DNAH6: variants seen among roughly 807,000 people sequenced by gnomAD.
DNAH6 encodes the protein axonemal beta dynein heavy chain 6.
In DNAH6, 340 loss-of-function variants were observed where a neutral mutation model predicts 491.4. That is an observed-to-expected ratio of 0.69 (90% CI 0.63 to 0.76). The LOEUF is 0.76. DNAH6 is among the 30% of genes least tolerant of loss of function. The pLI is 0.00. For missense variants in DNAH6, 4,443 were observed against 4,972.2 expected, an observed-to-expected ratio of 0.89 and a Z score of 3.20; for synonymous variants, 1,603 against 1,686.1, an observed-to-expected ratio of 0.95 and a Z score of 1.21.
chr2:84,787,348 G>A, intron 68 of DNAH6, 46 bp downstream of exon 68: 1 of 1,513,562 alleles, frequency 6.6e-7, no homozygotes, highest in Non-Finnish European at 8.9e-7. Flanking sequence ...GTACCACAAA[G>A]TTGTTGGTTT....
intron 33 of DNAH6, among the ~76,000 whole-genome samples, chr2:84,645,988 G>T (rs1222939714): frequency 1.3e-5 from 2 of 152,096 alleles, no homozygotes; most frequent in Non-Finnish European, 2.9e-5. Flanking sequence ...TCATTTTACT[G>T]CACTTCGCAG....
In DNAH6 at chr2:84,679,829, A is replaced by G. The variant is rs149659467; in HGVS notation, c.6745-1528A>G. 3.6e-3 allele frequency among the ~76,000 whole-genome samples: 549 copies of G among 152,338 alleles called. 3 individuals carry two copies. The highest frequency in any genetic ancestry group is 0.012 in the African/African-American group (508 of 41,570). On this transcript the variant is annotated intron_variant, in intron 41 of 76. Transcript: ENST00000389394. Reference sequence around the variant, plus strand: ...TCCCTGTCCTCATGGATCTTCTTCCATGGACACAGATAATGAAGAGATGAA... The same window carrying G: ...TCCCTGTCCTCATGGATCTTCTTCCGTGGACACAGATAATGAAGAGATGAA...
intron 32 of DNAH6, among the ~76,000 whole-genome samples, chr2:84,640,972 G>C (rs1233419104): frequency 6.6e-6 from 1 of 152,196 alleles, no homozygotes; most frequent in African/African-American, 2.4e-5. Context: ...CTTGTTGCCT[G>C]AGAAAGCCTC....
chr2:84,490,649 C>T, the DNAH6 span, among the ~76,000 whole-genome samples: 1 of 152,182 alleles, frequency 6.6e-6, no homozygotes, highest in Non-Finnish European at 1.5e-5. Context: ...GCAACCTCCA[C>T]CTCCCGGGTT....
intron 63 of DNAH6, among the ~76,000 whole-genome samples, chr2:84,749,889 T>C (rs1251513480): frequency 6.6e-6 from 1 of 152,228 alleles, no homozygotes; most frequent in East Asian, 1.9e-4. Context: ...GTTTTGTTTG[T>C]TTGCTTTTCA....
At chr2:84,490,191 A>G in the DNAH6 span, among the ~76,000 whole-genome samples, 134,079 of 152,150 alleles carry the variant, frequency 0.88, 60,018 homozygotes, top group East Asian at 1. Flanking sequence ...TTAGTGTTCT[A>G]CTTTCATGTT....
chr2:84,533,334 T>C (rs539495303), intron 4 of DNAH6, among the ~76,000 whole-genome samples: 1 of 152,056 alleles, frequency 6.6e-6, no homozygotes, highest in Non-Finnish European at 1.5e-5. Context: ...ATGCAGGAAA[T>C]GAAGAGTAAG....
At chr2:84,724,546 C>A (rs1309186025) in intron 60 of DNAH6, among the ~76,000 whole-genome samples, 1 of 152,236 alleles carries the variant, frequency 6.6e-6, no homozygotes, top group African/African-American at 2.4e-5. Context: ...GACACTCCCT[C>A]TGTTTAAAAT....
chr2:84,550,028 G>A lies in DNAH6; in HGVS notation c.1456G>A (p.Glu486Lys), dbSNP rs754392357. 12 of 1,613,300 alleles carry A rather than the reference G, an allele frequency of 7.4e-6. No homozygotes were observed. The highest frequency in any genetic ancestry group is 1.1e-5 in the South Asian group (1 of 90,828). The change falls in exon 9 of 77, where the codon GAA becomes AAA. Residue 486 changes from glutamate (E) to lysine (K), a missense_variant. Physicochemically the swap from Glu to Lys is moderately conservative, Grantham distance 56. Around this residue, in one of 3 missense-constraint regions of DNAH6, gnomAD observed 2,977 missense variants for 3,296.6 expected, o/e 0.90. Transcript: ENST00000389394. ...AGATGTCATTCAGAAATGGATTACT[G>A]AAGAGAAGCCTGAAGTCCCTGATAA... ...SADVIQKWIT[E>K]EKPEVPDKKG...
At chr2:84,618,118 C>T (rs990884612) in intron 23 of DNAH6, among the ~76,000 whole-genome samples, 3 of 152,012 alleles carry the variant, frequency 2.0e-5, no homozygotes, top group Non-Finnish European at 4.4e-5. Context: ...AACACAGAAG[C>T]CACTCTAAGT....
intron 62 of DNAH6, among the ~76,000 whole-genome samples, chr2:84,736,366 T>C (rs1256726377): frequency 6.6e-6 from 1 of 152,170 alleles, no homozygotes; most frequent in Non-Finnish European, 1.5e-5. Context: ...AATAGTTTTT[T>C]CTAATTCTAT....
At chr2:84,718,138 G>T in intron 58 of DNAH6, 66 bp from the exon 59 acceptor site, 1 of 1,337,288 alleles carries the variant, frequency 7.5e-7, no homozygotes. Flanking sequence ...AACAGAGAAA[G>T]AAAAATAGAA....
chr2:84,466,131 A>T, the DNAH6 span, among the ~76,000 whole-genome samples: 1 of 152,174 alleles, frequency 6.6e-6, no homozygotes, highest in South Asian at 2.1e-4. Flanking sequence ...ACCTGTGAGA[A>T]CGTGGCATTC....
At chr2:84,666,420 C>T (rs1417963602) in intron 37 of DNAH6, among the ~76,000 whole-genome samples, 1 of 152,142 alleles carries the variant, frequency 6.6e-6, no homozygotes, top group African/African-American at 2.4e-5. Flanking sequence ...GATACAAAAT[C>T]AATGTGCTAA....
chr2:84,789,404 TCAATGG>T (rs1677533871), intron 68 of DNAH6, among the ~76,000 whole-genome samples: 1 of 152,188 alleles, frequency 6.6e-6, no homozygotes, highest in African/African-American at 2.4e-5. Context: ...AGCAAAGCTT[TCAATGG>T]AAATTTAAGC....
At position 84,584,223 on chromosome 2, in the gene DNAH6, A is replaced by T. The variant is rs774370108; in HGVS notation, c.2454A>T (p.Glu818Asp). The T allele has an allele frequency of 1.4e-5, 23 of 1,614,034 alleles. No individual in the cohort carries two copies. In the East Asian group the frequency reaches 4.9e-4, roughly 34 times the overall value. ...LGSDLEELNN[E>D]VNEVKLQAQD... is the part of the protein sequence containing the mutation. Reference sequence around the variant, plus strand: ...GTGATCTTGAAGAATTAAACAACGAAGTGAATGAAGTAAAACTGCAAGCAC... The same window carrying T: ...GTGATCTTGAAGAATTAAACAACGATGTGAATGAAGTAAAACTGCAAGCAC... The change falls in exon 15 of 77, where the codon GAA (glutamate) becomes GAT (aspartate). Residue 818 changes from glutamate to aspartate, a missense_variant. Glu to Asp is a conservative substitution (Grantham distance 45, BLOSUM62 2). Around this residue, in one of 3 missense-constraint regions of DNAH6, gnomAD observed 2,977 missense variants for 3,296.6 expected, o/e 0.90. Coordinates refer to ENST00000389394, the MANE Select transcript of DNAH6 (RefSeq NM_001370.2).
chr2:84,817,397 A>G (rs1158099110), intron 76 of DNAH6, among the ~76,000 whole-genome samples: 1 of 152,218 alleles, frequency 6.6e-6, no homozygotes, highest in East Asian at 1.9e-4. Flanking sequence ...CATCTTTCAA[A>G]AGGGAAGTGA....
intron 44 of DNAH6, 58 bp downstream of exon 44, chr2:84,686,615 C>T: frequency 9.4e-7 from 1 of 1,063,984 alleles, no homozygotes; most frequent in South Asian, 1.6e-5. Flanking sequence ...TTATTATTTT[C>T]CAATTCAAAT....
the DNAH6 span, among the ~76,000 whole-genome samples, chr2:84,472,183 G>A: frequency 6.6e-6 from 1 of 151,844 alleles, no homozygotes; most frequent in Non-Finnish European, 1.5e-5. Context: ...CATATGCAGT[G>A]TTTTATGTTC....
Sources: allele counts gnomAD v4.1 joint callset (sites outside exome capture counted in the v4.1 genomes callset), GRCh38; gene constraint gnomAD v4.1.1; regional missense constraint gnomAD v4.1.1; transcripts MANE v1.5; gene names NCBI Gene and HGNC (gene_info 2026-07-23, HGNC 2026-07-21).